Variants in UNC13C observed in about 807,000 individuals in gnomAD.
UNC13C encodes protein unc-13 homolog C.
In UNC13C, 174 loss-of-function variants were observed where a neutral mutation model predicts 245.4. That is an observed-to-expected ratio of 0.71 (90% confidence interval 0.63 to 0.80). The LOEUF is 0.80. UNC13C is among the 30% of genes least tolerant of loss of function. The pLI is 0.00. For missense variants in UNC13C, 2,829 were observed against 2,602.9 expected (o/e 1.09, Z -1.89); for synonymous variants, 992 against 895.1 (o/e 1.11, Z -1.93).
chr15:54,422,296 A>G (rs2040661379), intron 19 of UNC13C, among the ~76,000 whole-genome samples: 1 of 151,976 alleles, frequency 6.6e-6, no homozygotes, highest in South Asian at 2.1e-4. Context: ...AGTTCTAGCC[A>G]CAGGCCCCCT....
At chr15:54,623,018 C>A (rs1255704042) in intron 31 of UNC13C, among the ~76,000 whole-genome samples, 3 of 152,078 alleles carry the variant, frequency 2.0e-5, no homozygotes, top group Admixed American at 6.6e-5. Flanking sequence ...AGTAAAATAG[C>A]TATATTTTAG....
chr15:54,448,800 A>T (rs1385087055), intron 19 of UNC13C, among the ~76,000 whole-genome samples: 1 of 152,102 alleles, frequency 6.6e-6, no homozygotes, highest in Non-Finnish European at 1.5e-5. Context: ...GTTATGTGTG[A>T]ATTTGATCCT....
At chr15:54,487,240 T>C (rs1241196950) in intron 19 of UNC13C, among the ~76,000 whole-genome samples, 3 of 152,208 alleles carry the variant, frequency 2.0e-5, no homozygotes, top group Non-Finnish European at 1.5e-5. Context: ...TTTGTGACTA[T>C]GAGCAGAACT....
the UNC13C span, among the ~76,000 whole-genome samples, chr15:53,856,304 G>A: frequency 2.0e-5 from 3 of 151,042 alleles, no homozygotes; most frequent in African/African-American, 4.9e-5. Context: ...TTATAATCTT[G>A]TTTTATTTAT....
At position 54,235,056 on chromosome 15, in the gene UNC13C, A is replaced by C; in HGVS notation, c.3098A>C (p.Asp1033Ala). 6.2e-7 allele frequency: 1 copy of C among 1,613,908 alleles called. No homozygotes were observed. The highest frequency in any genetic ancestry group is 2.2e-5 in the East Asian group (1 of 44,860). Residue 1033 changes from aspartate (D) to alanine (A), a missense_variant, in exon 5 of 33, where the codon GAC (aspartate) becomes GCC (alanine). Asp to Ala is a moderately radical substitution (Grantham distance 126). Transcript: ENST00000260323. ...GGAGGGLYGI[D>A]SMPDLRRKKT... Reference sequence around the variant, plus strand: ...GCTGGAGGTGGACTTTATGGTATTGACAGCATGCCGGATCTTCGCAGAAAA... The same window carrying C: ...GCTGGAGGTGGACTTTATGGTATTGCCAGCATGCCGGATCTTCGCAGAAAA...
chr15:54,132,053 C>A (rs2031451463), intron 2 of UNC13C, among the ~76,000 whole-genome samples: 1 of 72,246 alleles, frequency 1.4e-5, no homozygotes, highest in Admixed American at 1.4e-4. Flanking sequence ...ACTGTCATTG[C>A]AATTCAGTTT....
Position 54,297,764 on chromosome 15 carries a change from A to G in UNC13C, c.3989-47A>G, listed in dbSNP as rs751915643. On this transcript the variant is annotated intron_variant, in intron 11 of 32. Transcript: ENST00000260323. ...GCTTTTGAGAGGTCGTATGAGAAAAACATTATTGTCAGACATGACTGACCA... is the reference window on the plus strand; with the variant it reads ...GCTTTTGAGAGGTCGTATGAGAAAAGCATTATTGTCAGACATGACTGACCA... The G allele has an allele frequency of 2.3e-5, 32 of 1,377,506 alleles. No individual in the cohort carries two copies. In the African/African-American group the frequency reaches 4.2e-4, roughly 18 times the overall value. 85.3% of individuals were successfully genotyped at this position (1,377,506 alleles called of 1,614,324 possible).
intron 30 of UNC13C, among the ~76,000 whole-genome samples, chr15:54,590,834 A>C (rs950079555): frequency 6.6e-6 from 1 of 152,094 alleles, no homozygotes; most frequent in African/African-American, 2.4e-5. Flanking sequence ...ACTGTGTTGA[A>C]GAGGAGTGCT....
chr15:54,339,933 T>A (rs1330150951), intron 17 of UNC13C, among the ~76,000 whole-genome samples: 1 of 152,188 alleles, frequency 6.6e-6, no homozygotes, highest in African/African-American at 2.4e-5. Flanking sequence ...CTCTTTTCAC[T>A]GCATCCATGA....
At chr15:53,973,240 T>G (rs183308593), upstream of UNC13C, among the ~76,000 whole-genome samples, 5 of 152,192 alleles carry the variant, frequency 3.3e-5, no homozygotes, top group African/African-American at 1.2e-4. Flanking sequence ...CCATTATGAA[T>G]GGAGGGCAGA....
At chr15:54,291,819 C>T (rs902926246) in intron 10 of UNC13C, among the ~76,000 whole-genome samples, 28 of 151,856 alleles carry the variant, frequency 1.8e-4, no homozygotes, top group African/African-American at 5.8e-4. Context: ...AACAAAGTAA[C>T]GCATGACTTA....
intron 4 of UNC13C, among the ~76,000 whole-genome samples, chr15:54,144,534 G>A (rs1487124840): frequency 6.6e-6 from 1 of 152,164 alleles, no homozygotes; most frequent in Non-Finnish European, 1.5e-5. Flanking sequence ...GCACTTAAGA[G>A]ATGTTTCCTT....
intron 2 of UNC13C, chr15:54,049,330 A>G (rs534975569): frequency 1.9e-6 from 1 of 516,258 alleles, no homozygotes; most frequent in East Asian, 5.2e-5. Flanking sequence ...ATATAAATCG[A>G]TACTACTAAC....
At chr15:54,026,340 G>A (rs1289189217) in intron 2 of UNC13C, among the ~76,000 whole-genome samples, 1 of 152,132 alleles carries the variant, frequency 6.6e-6, no homozygotes, top group Non-Finnish European at 1.5e-5. Flanking sequence ...CAGGTGACAG[G>A]CCCAGGATTT....
chr15:54,524,044 A>G (rs1286977718), intron 24 of UNC13C, among the ~76,000 whole-genome samples: 1 of 152,218 alleles, frequency 6.6e-6, no homozygotes, highest in East Asian at 1.9e-4. Context: ...AGGGAGTTAT[A>G]GTTTGTTAGG....
Position 54,436,485 on chromosome 15 carries a change from A to G in UNC13C, c.4933+21418A>G, listed in dbSNP as rs146869001. Among the ~76,000 whole-genome samples, 80 of 149,016 alleles carry G rather than the reference A, an allele frequency of 5.4e-4. 2 individuals are homozygous for G. In the East Asian group the frequency reaches 0.013, roughly 25 times the overall value. ...ACACCATAGAATACTATGCAGCCATAAAAAAGGATGAGTTCATGTCTCTTA... is the reference window on the plus strand; with the variant it reads ...ACACCATAGAATACTATGCAGCCATGAAAAAGGATGAGTTCATGTCTCTTA... On this transcript the variant is annotated intron_variant, in intron 19 of 32. Coordinates refer to ENST00000260323, the MANE Select transcript of UNC13C (RefSeq NM_001080534.3).
chr15:54,034,398 C>T (rs1896486540), intron 2 of UNC13C, among the ~76,000 whole-genome samples: 1 of 152,036 alleles, frequency 6.6e-6, no homozygotes, highest in African/African-American at 2.4e-5. Flanking sequence ...TTTTTGTTCC[C>T]TTACCTTATC....
chr15:54,417,260 A>C (rs1425482992), intron 19 of UNC13C, among the ~76,000 whole-genome samples: 1 of 152,090 alleles, frequency 6.6e-6, no homozygotes, highest in Non-Finnish European at 1.5e-5. Flanking sequence ...GGTAATCCCA[A>C]CTCAATGGAT....
intron 2 of UNC13C, among the ~76,000 whole-genome samples, chr15:54,046,523 C>T (rs1050975049): frequency 6.6e-6 from 1 of 152,008 alleles, no homozygotes; most frequent in Non-Finnish European, 1.5e-5. Flanking sequence ...TTATATTTGT[C>T]TTATTCCAAA....
Sources: gnomAD v4.1 joint callset for allele counts (sites outside exome capture counted in the v4.1 genomes callset) on GRCh38, gnomAD v4.1.1 for gene constraint, MANE v1.5 for transcripts, NCBI Gene and HGNC (gene_info 2026-07-23, HGNC 2026-07-21) for gene names.